Variants in DRD3 observed in about 807,000 individuals in gnomAD.
The protein encoded by DRD3 is D(3) dopamine receptor.
In DRD3, 19 loss-of-function variants were observed where a neutral mutation model predicts 36.3. The ratio of observed to expected loss-of-function variants is 0.52; its 90% CI spans 0.36 to 0.77. The LOEUF is 0.77. Ranked by LOEUF, DRD3 falls within the 30% of genes least tolerant of loss-of-function variation. The pLI is 0.00. For synonymous variants in DRD3, 195 were observed against 203.7 expected (o/e 0.96, Z 0.36); for missense variants, 465 against 505.3 (o/e 0.92, Z 0.77).
chr3:114,165,435 GA>G lies in DRD3; in HGVS notation c.271-5569del, dbSNP rs555600625. Among the ~76,000 whole-genome samples, 89 of 148,004 alleles carry G rather than the reference GA, an allele frequency of 6.0e-4. 1 individual carries two copies. In the South Asian group the frequency reaches 0.017, roughly 28 times the overall value. ...AACAGAGTGAGACTCCATTTCAAAA[GA>G]AAAAAAAAGAAAGTTAAAAAAGTTA... On this transcript the variant is annotated intron_variant, in intron 2 of 6. Transcript: ENST00000383673.
intron 2 of DRD3, among the ~76,000 whole-genome samples, chr3:114,167,779 T>C (rs2077800056): frequency 6.6e-6 from 1 of 152,216 alleles, no homozygotes; most frequent in Non-Finnish European, 1.5e-5. Flanking sequence ...AGAAGAAACA[T>C]ATAACCTATG....
At chr3:114,185,475 C>T (rs551477613) in intron 1 of DRD3, among the ~76,000 whole-genome samples, 25 of 152,086 alleles carry the variant, frequency 1.6e-4, no homozygotes, top group Non-Finnish European at 2.2e-4. Flanking sequence ...TCTATCTCTT[C>T]GCTAATATTT....
Position 114,131,204 on chromosome 3 carries a change from G to A in DRD3, c.920C>T (p.Ser307Leu), listed in dbSNP as rs2077427003. Residue 307 changes from serine to leucine, a missense_variant, in exon 6 of 7, where the codon TCG becomes TTG. Coordinates refer to ENST00000383673, the MANE Select transcript of DRD3 (RefSeq NM_000796.6). ...CAGGGGCCCCAGCTTCAAAGATGTC[G>A]ATAATCTGCCATTGCTGAGTTTTCG... ...EVRKLSNGRL[S>L]TSLKLGPLQP... 14 of 1,614,176 alleles carry A rather than the reference G, an allele frequency of 8.7e-6. No individual in the cohort carries two copies. The highest frequency in any genetic ancestry group is 1.2e-5 in the Non-Finnish European group (14 of 1,180,030).
intron 1 of DRD3, among the ~76,000 whole-genome samples, chr3:114,175,673 A>G (rs1405923165): frequency 1.3e-5 from 2 of 152,222 alleles, no homozygotes; most frequent in South Asian, 2.1e-4. Flanking sequence ...TCAGAAATCC[A>G]TGCAACTGTG....
chr3:114,134,898 T>C (rs2077462101), intron 5 of DRD3, among the ~76,000 whole-genome samples: 1 of 152,244 alleles, frequency 6.6e-6, no homozygotes, highest in African/African-American at 2.4e-5. Flanking sequence ...TAGTCATCAC[T>C]TCAAACAATT....
At chr3:114,141,234 A>G (rs1431784382) in intron 4 of DRD3, among the ~76,000 whole-genome samples, 1 of 152,140 alleles carries the variant, frequency 6.6e-6, no homozygotes. Context: ...GGGTTTCTCC[A>G]TGATGGTCAG....
intron 3 of DRD3, among the ~76,000 whole-genome samples, chr3:114,159,088 A>G (rs950376787): frequency 3.9e-5 from 6 of 152,142 alleles, no homozygotes; most frequent in East Asian, 1.9e-4. Flanking sequence ...TGGTGAGTCC[A>G]GGTGCTCTCA....
In DRD3 at chr3:114,128,747, C is replaced by T. The variant is rs746592271; in HGVS notation, c.1172G>A (p.Arg391Gln). 34 of 1,608,130 alleles carry T rather than the reference C, an allele frequency of 2.1e-5. No individual in the cohort carries two copies. In the Admixed American group the frequency reaches 3.0e-4, roughly 14 times the overall value. Residue 391 changes from arginine (R) to glutamine (Q), a missense_variant, in exon 7 of 7, where the codon CGG (arginine) becomes CAG (glutamine). Arg to Gln is a conservative substitution (Grantham distance 43, BLOSUM62 1). Transcript: ENST00000383673. ...AGACAGGATCTTGAGGAAGGCTTTC[C>T]GGAACTCGATATTGAAGGTGGTATA... ...VIYTTFNIEF[R>Q]KAFLKILSC
intron 1 of DRD3, 122 bp from the exon 2 acceptor site, chr3:114,172,149 C>G (rs1042050745): frequency 5.2e-6 from 4 of 763,016 alleles, no homozygotes; most frequent in Non-Finnish European, 5.6e-6. Context: ...ATAGTAGGCA[C>G]TGTTGTGAGA....
At chr3:114,164,336 A>G (rs2077762913) in intron 2 of DRD3, among the ~76,000 whole-genome samples, 1 of 150,828 alleles carries the variant, frequency 6.6e-6, no homozygotes, top group African/African-American at 2.4e-5. Context: ...CTTTAGAATT[A>G]TACAGCAACC....
chr3:114,174,940 C>T (rs2077883500), intron 1 of DRD3, among the ~76,000 whole-genome samples: 1 of 152,106 alleles, frequency 6.6e-6, no homozygotes, highest in Non-Finnish European at 1.5e-5. Flanking sequence ...CTGGTTTCCT[C>T]ATCAGCAAAA....
At chr3:114,184,671 T>TTTTTTTTTTTTTTTTTTTTTTTTGAGA (rs1458528095) in intron 1 of DRD3, among the ~76,000 whole-genome samples, 1 of 151,814 alleles carries the variant, frequency 6.6e-6, no homozygotes, top group Non-Finnish European at 1.5e-5. Flanking sequence ...CTCCTTCTTT[T>TTTTTTTTTTTTTTTTTTTTTTTTGAGA]CCTGCTTCAG....
At chr3:114,170,424 A>T (rs1399443926) in intron 2 of DRD3, among the ~76,000 whole-genome samples, 1 of 152,210 alleles carries the variant, frequency 6.6e-6, no homozygotes, top group Non-Finnish European at 1.5e-5. Context: ...AGGTTGACTC[A>T]GACTAATTGG....
intron 3 of DRD3, among the ~76,000 whole-genome samples, chr3:114,151,187 G>C (rs1397141390): frequency 6.6e-6 from 1 of 152,148 alleles, no homozygotes; most frequent in African/African-American, 2.4e-5. Flanking sequence ...TCTGCCGGGG[G>C]CTTCTAGTAC....
At chr3:114,146,536 G>C (rs931956555) in intron 4 of DRD3, among the ~76,000 whole-genome samples, 1 of 151,628 alleles carries the variant, frequency 6.6e-6, no homozygotes, top group African/African-American at 2.4e-5. Context: ...TGGCCAACAG[G>C]GTAAAATATA....
At chr3:114,198,459 A>G (rs1473316352) in intron 1 of DRD3, among the ~76,000 whole-genome samples, 2 of 151,958 alleles carry the variant, frequency 1.3e-5, no homozygotes, top group African/African-American at 2.4e-5. Flanking sequence ...TCAATTTCCA[A>G]TTGCTTGTTG....
chr3:114,142,118 T>C (rs2077531212), intron 4 of DRD3, among the ~76,000 whole-genome samples: 1 of 149,066 alleles, frequency 6.7e-6, no homozygotes, highest in Admixed American at 6.7e-5. Flanking sequence ...GTTCACCAAA[T>C]TGGCATCTGC....
At chr3:114,184,938 G>A (rs1289029875) in intron 1 of DRD3, among the ~76,000 whole-genome samples, 1 of 152,046 alleles carries the variant, frequency 6.6e-6, no homozygotes, top group Admixed American at 6.6e-5. Context: ...TTAGCATTTT[G>A]AATACGTTGT....
chr3:114,173,095 T>C (rs2077862918), intron 1 of DRD3, among the ~76,000 whole-genome samples: 1 of 151,936 alleles, frequency 6.6e-6, no homozygotes, highest in African/African-American at 2.4e-5. Context: ...GATTAGTGCT[T>C]TTATAAAAGA....
Sources: gnomAD v4.1 joint callset for allele counts (sites outside exome capture counted in the v4.1 genomes callset) on GRCh38, gnomAD v4.1.1 for gene constraint, MANE v1.5 for transcripts, NCBI Gene and HGNC (gene_info 2026-07-23, HGNC 2026-07-21) for gene names.